CTDSP2: variants seen among roughly 807,000 people sequenced by gnomAD.
CTDSP2 encodes carboxy-terminal domain RNA polymerase II polypeptide A small phosphatase 2.
A neutral mutation model predicts 31.6 loss-of-function variants in CTDSP2; 9 were observed. The observed-to-expected ratio is 0.28, with a 90% CI of 0.17 to 0.50. The LOEUF is 0.50. Ranked by LOEUF, CTDSP2 falls within the 20% of genes least tolerant of loss-of-function variation. The pLI is 0.98. For synonymous variants in CTDSP2, 134 were observed against 134.5 expected (o/e 1.00, Z 0.03); for missense variants, 267 against 348.5 (o/e 0.77, Z 1.86).
rs1459850564 is a variant in CTDSP2 at position 57,829,756 on chromosome 12, T to A, written c.65-160A>T. Among the ~76,000 whole-genome samples the A allele has an allele frequency of 3.9e-5, 6 of 152,190 alleles. No individual in the cohort carries two copies. In the South Asian group the frequency reaches 1.0e-3, roughly 26 times the overall value. On this transcript the variant is annotated intron_variant, in intron 1 of 7. Coordinates refer to ENST00000398073, the MANE Select transcript of CTDSP2 (RefSeq NM_005730.4). Reference sequence around the variant, plus strand: ...TACAGTTAACAGTCAAACATACATGTTTATTCCAGCCTTTTCTCTTTAAAG... The same window carrying A: ...TACAGTTAACAGTCAAACATACATGATTATTCCAGCCTTTTCTCTTTAAAG...
Position 57,827,038 on chromosome 12 carries a change from C to G in CTDSP2, c.312G>C (p.Val104=). 6.2e-7 allele frequency: 1 copy of G among 1,613,892 alleles called. No homozygotes were observed. Among genetic ancestry groups the G allele is most frequent in the Non-Finnish European group, 8.5e-7 (1 of 1,180,010 alleles). ...CAAGGGTTTCATCGAGGTCAATGAC[C>G]ACACAGATCCTTCCTTGATCTTCCT... ...VTEEDQGRIC[V]VIDLDETLVH... is the part of the protein sequence containing the mutation. The change falls in exon 4 of 8, where the codon GTG becomes GTC. Residue 104 remains valine, a synonymous_variant. Coordinates refer to ENST00000398073, the MANE Select transcript of CTDSP2 (RefSeq NM_005730.4).
intron 1 of CTDSP2, chr12:57,842,794 C>A: frequency 6.6e-6 from 1 of 152,340 alleles, no homozygotes. Flanking sequence ...TTCCCGCCCC[C>A]TGCATAGCAA....
intron 1 of CTDSP2, among the ~76,000 whole-genome samples, chr12:57,834,686 T>C (rs1380723497): frequency 6.6e-6 from 1 of 152,220 alleles, no homozygotes; most frequent in Non-Finnish European, 1.5e-5. Flanking sequence ...GCACTCAGCA[T>C]TGTGTCCTTG....
rs575726917 is a variant in CTDSP2, at chr12:57,823,230, C to A, written c.*372G>T. The A allele has an allele frequency of 2.0e-5, 6 of 301,980 alleles. No homozygotes were observed. The South Asian group carries it at 2.2e-4, about 11-fold the overall frequency. The allele number at this position is 301,980 out of a possible 1,614,324, so 18.7% of individuals were successfully genotyped here. A position where few individuals can be genotyped will look rare whatever the true frequency, so the allele number is the denominator to read the frequency against. ...GTCTTCAATAGTCTTCATCCCTACA[C>A]AACTCAGTGGCTCTTAGGGTGACAG... On this transcript the variant is annotated 3_prime_UTR_variant, in exon 8 of 8. Transcript: ENST00000398073.
chr12:57,832,348 G>A (rs1956220871), intron 1 of CTDSP2, among the ~76,000 whole-genome samples: 1 of 152,228 alleles, frequency 6.6e-6, no homozygotes, highest in Non-Finnish European at 1.5e-5. Context: ...ATCCCCCAGA[G>A]CCCTTTATCA....
At chr12:57,824,542 C>T in intron 5 of CTDSP2, 1 of 668,886 alleles carries the variant, frequency 1.5e-6, no homozygotes, top group Non-Finnish European at 2.8e-6. Flanking sequence ...CCAACCTCAA[C>T]CTGGCTCAGG....
intron 1 of CTDSP2, among the ~76,000 whole-genome samples, chr12:57,845,170 G>A (rs1956306700): frequency 6.6e-6 from 1 of 152,272 alleles, no homozygotes; most frequent in South Asian, 2.1e-4. Flanking sequence ...AGGGGAGGGA[G>A]CGCTCCGGCT....
chr12:57,834,235 G>A (rs540885599), intron 1 of CTDSP2, among the ~76,000 whole-genome samples: 132 of 152,162 alleles, frequency 8.7e-4, no homozygotes, highest in African/African-American at 3.2e-3. Flanking sequence ...ACAATCATGG[G>A]TCACTGCAGC....
At chr12:57,843,726 C>CA (rs1416795391) in intron 1 of CTDSP2, among the ~76,000 whole-genome samples, 1 of 152,152 alleles carries the variant, frequency 6.6e-6, no homozygotes, top group Non-Finnish European at 1.5e-5. Flanking sequence ...GAAGGAACTC[C>CA]AAAAGGAGCC....
chr12:57,830,801 T>A (rs1956211017), intron 1 of CTDSP2, among the ~76,000 whole-genome samples: 1 of 152,004 alleles, frequency 6.6e-6, no homozygotes, highest in Non-Finnish European at 1.5e-5. Context: ...CAGGCTGGAG[T>A]GCAATGGAGC....
At chr12:57,835,817 G>A (rs1956244425) in intron 1 of CTDSP2, among the ~76,000 whole-genome samples, 1 of 152,134 alleles carries the variant, frequency 6.6e-6, no homozygotes, top group African/African-American at 2.4e-5. Context: ...TGAGGAGTAT[G>A]CCCCCACTGA....
intron 1 of CTDSP2, among the ~76,000 whole-genome samples, chr12:57,832,883 A>G (rs546737672): frequency 6.6e-6 from 1 of 151,010 alleles, no homozygotes; most frequent in East Asian, 2.0e-4. Context: ...CCCTATTTCT[A>G]TGCTGAAATT....
In CTDSP2 at chr12:57,846,695, G is replaced by C. The variant is rs1023947061; in HGVS notation, c.-260C>G. On this transcript the variant is annotated 5_prime_UTR_variant, in exon 1 of 8. Transcript: ENST00000398073. Reference sequence around the variant, plus strand: ...CGGCAGCTCCGGGCTCCTCAGTTTGGGTCCAACATGGAGAATCCGGAGCGA... The same window carrying C: ...CGGCAGCTCCGGGCTCCTCAGTTTGCGTCCAACATGGAGAATCCGGAGCGA... The C allele has an allele frequency of 5.0e-6, 2 of 402,430 alleles. No individual in the cohort carries two copies. The highest frequency in any genetic ancestry group is 8.8e-6 in the Non-Finnish European group (2 of 228,202). The allele number at this position is 402,430 out of a possible 1,614,324, so 24.9% of individuals were successfully genotyped here. A position where few individuals can be genotyped will look rare whatever the true frequency, so the allele number is the denominator to read the frequency against.
At chr12:57,825,812 G>A (rs537097227) in intron 5 of CTDSP2, among the ~76,000 whole-genome samples, 3 of 152,124 alleles carry the variant, frequency 2.0e-5, no homozygotes, top group Non-Finnish European at 4.4e-5. Context: ...CTTCACAGAG[G>A]AGGAGATGTC....
At chr12:57,823,772 C>A in intron 7 of CTDSP2, 45 bp from the exon 8 acceptor site, 1 of 1,612,524 alleles carries the variant, frequency 6.2e-7, no homozygotes. Context: ...CTGCTGCTTC[C>A]CCCTCCCTCG....
intron 5 of CTDSP2, 143 bp from the exon 6 acceptor site, chr12:57,824,462 G>A (rs1171839003): frequency 4.3e-6 from 3 of 702,794 alleles, no homozygotes; most frequent in East Asian, 5.4e-5. Flanking sequence ...GAAGCCTGCG[G>A]CCCCCTGAGA....
intron 1 of CTDSP2, among the ~76,000 whole-genome samples, chr12:57,830,723 G>A (rs891656716): frequency 6.6e-6 from 1 of 152,068 alleles, no homozygotes; most frequent in Non-Finnish European, 1.5e-5. Context: ...TTTGGGCGGT[G>A]GAAACAAAGT....
chr12:57,830,326 A>G (rs1422742865), intron 1 of CTDSP2, among the ~76,000 whole-genome samples: 2 of 152,118 alleles, frequency 1.3e-5, no homozygotes, highest in Non-Finnish European at 2.9e-5. Flanking sequence ...TGGAGCTTGC[A>G]GTGAGCCAAG....
At chr12:57,837,711 TAAAA>T (rs1956256562) in intron 1 of CTDSP2, among the ~76,000 whole-genome samples, 1 of 151,962 alleles carries the variant, frequency 6.6e-6, no homozygotes, top group African/African-American at 2.4e-5. Flanking sequence ...AATAAATAAA[TAAAA>T]TTTAAAAAAT....
Sources: gnomAD v4.1 joint callset for allele counts (sites outside exome capture counted in the v4.1 genomes callset) on GRCh38, gnomAD v4.1.1 for gene constraint, MANE v1.5 for transcripts, NCBI Gene and HGNC (gene_info 2026-07-23, HGNC 2026-07-21) for gene names.